C2orf69: variants seen among roughly 807,000 people sequenced by gnomAD.
The protein encoded by C2orf69 is mitochondrial protein C2orf69.
C2orf69 carries 19 observed loss-of-function variants against 29.5 expected under a neutral mutation model. That is an observed-to-expected ratio of 0.65 (90% CI 0.45 to 0.95). C2orf69 has a LOEUF of 0.95. Among genes scored for constraint, C2orf69 ranks in the 40% least tolerant of loss-of-function variants. C2orf69 has a pLI of 0.00. For synonymous variants in C2orf69, 194 were observed against 180.0 expected (o/e 1.08, Z -0.62); for missense variants, 416 against 482.1 (o/e 0.86, Z 1.28).
chr2:199,914,478 C>T (rs2106636344), intron 1 of C2orf69, among the ~76,000 whole-genome samples: 1 of 152,206 alleles, frequency 6.6e-6, no homozygotes, highest in East Asian at 1.9e-4. Context: ...TTTACCTTTT[C>T]AGTGTATCTA....
Position 199,920,541 on chromosome 2 carries a change from CT to C in C2orf69, c.334-4519del, listed in dbSNP as rs199835948. 2.1e-3 allele frequency among the ~76,000 whole-genome samples: 312 copies of C among 152,086 alleles called. 1 individual carries two copies. The highest frequency in any genetic ancestry group is 0.013 in the East Asian group (65 of 5,182). On this transcript the variant is annotated intron_variant, in intron 1 of 1. Transcript: ENST00000319974. ...CTGTAGTTTCCAGGACCTCAGGTTC[CT>C]TAACTATAAAAAGGATTTAGATGAG... is the stretch of plus-strand genomic sequence containing the variant.
intron 1 of C2orf69, among the ~76,000 whole-genome samples, chr2:199,913,193 T>TCTATATAATATATAATATATTATATATA (rs2077275439): frequency 9.8e-6 from 1 of 101,842 alleles, no homozygotes; most frequent in African/African-American, 3.9e-5. Context: ...TTATATATAT[T>TCTATATAATATATAATATATTATATATA]ATATATAATA....
chr2:199,918,171 C>T (rs2077300945), intron 1 of C2orf69, among the ~76,000 whole-genome samples: 1 of 152,164 alleles, frequency 6.6e-6, no homozygotes, highest in Non-Finnish European at 1.5e-5. Flanking sequence ...TTGGTGGGGA[C>T]ACAACCAAAC....
At chr2:199,916,608 GC>G (rs1188238452) in intron 1 of C2orf69, among the ~76,000 whole-genome samples, 1 of 152,234 alleles carries the variant, frequency 6.6e-6, no homozygotes, top group Non-Finnish European at 1.5e-5. Context: ...GGTAAATACA[GC>G]CATTCCAAAT....
In C2orf69 at chr2:199,925,881, T is replaced by G. The variant is rs745903850; in HGVS notation, c.1153T>G (p.Phe385Val). 6.2e-7 allele frequency: 1 copy of G among 1,600,384 alleles called. No individual in the cohort carries two copies. Among genetic ancestry groups the G allele is most frequent in the Non-Finnish European group, 8.6e-7 (1 of 1,169,080 alleles). ...GAATCACTTCAGGGTTCATGAAGTA[T>G]TTTGAGATTACAGGTATATTAATGA... The part of the protein sequence containing the change: ...IENHFRVHEV[F>V] The change falls in exon 2 of 2, where the codon TTT becomes GTT. Residue 385 changes from phenylalanine (F) to valine (V), a missense_variant. By Grantham distance (50) the Phe-to-Val change is conservative. Coordinates refer to ENST00000319974, the MANE Select transcript of C2orf69 (RefSeq NM_153689.6). This position sits in a 1 kb window ranked among gnomAD's most constrained non-coding sequence, Gnocchi z 4.9.
Position 199,911,614 on chromosome 2 carries a change from C to T in C2orf69, c.176C>T (p.Thr59Ile). Residue 59 changes from threonine (T) to isoleucine (I), a missense_variant, in exon 1 of 2, where the codon ACC becomes ATC. Physicochemically the swap from Thr to Ile is moderately conservative, Grantham distance 89 (BLOSUM62 -1). Around this residue, in one of 4 missense-constraint regions of C2orf69, gnomAD observed 175 missense variants for 139.9 expected, o/e 1.25. Coordinates refer to ENST00000319974, the MANE Select transcript of C2orf69 (RefSeq NM_153689.6). ...VRRRQCLQLSTVPGADPQRSN... is the reference protein window; with the variant it reads ...VRRRQCLQLSIVPGADPQRSN... The stretch of plus-strand genomic sequence containing the variant: ...CGCCGTCAGTGCCTGCAGCTTTCCA[C>T]CGTGCCTGGAGCCGATCCGCAGCGC... The T allele has an allele frequency of 1.3e-6, 2 of 1,549,614 alleles. No individual in the cohort carries two copies. The highest frequency in any genetic ancestry group is 1.7e-6 in the Non-Finnish European group (2 of 1,146,592).
intron 1 of C2orf69, among the ~76,000 whole-genome samples, chr2:199,919,723 A>G (rs1359727007): frequency 6.6e-6 from 1 of 152,202 alleles, no homozygotes; most frequent in Admixed American, 6.5e-5. Flanking sequence ...ATGAGGGCAG[A>G]GCCCTTGTGA....
rs566751957 is a variant in C2orf69, at chr2:199,913,550, T to A, written c.333+1779T>A. Among the ~76,000 whole-genome samples, 11 of 127,436 alleles carry A rather than the reference T, an allele frequency of 8.6e-5. No individual in the cohort carries two copies. The East Asian group carries it at 1.0e-3, about 12-fold the overall frequency. The allele number at this position is 127,436 out of a possible 152,430, so 83.6% of individuals were successfully genotyped here. A position where few individuals can be genotyped will look rare whatever the true frequency, so the allele number is the denominator to read the frequency against. ...AATATACTATATAATATATATAAAA[T>A]ATATATATATTTTTATAATATGTAT... On this transcript the variant is annotated intron_variant, in intron 1 of 1. Coordinates refer to ENST00000319974, the MANE Select transcript of C2orf69 (RefSeq NM_153689.6).
At position 199,911,641 on chromosome 2, in the gene C2orf69, G is replaced by T; in HGVS notation, c.203G>T (p.Ser68Ile). The change falls in exon 1 of 2, where the codon AGC becomes ATC. Residue 68 changes from serine (S) to isoleucine (I), a missense_variant. Physicochemically the swap from Ser to Ile is moderately radical, Grantham distance 142 (BLOSUM62 -2). Transcript: ENST00000319974. ...GTGCCTGGAGCCGATCCGCAGCGCAGCAACGAATTGCTCCTGTTGGCGGCG... is the reference window on the plus strand; with the variant it reads ...GTGCCTGGAGCCGATCCGCAGCGCATCAACGAATTGCTCCTGTTGGCGGCG... ...STVPGADPQR[S>I]NELLLLAAAG... The T allele has an allele frequency of 6.5e-7, 1 of 1,549,412 alleles. No homozygotes were observed. The highest frequency in any genetic ancestry group is 8.7e-7 in the Non-Finnish European group (1 of 1,146,598).
chr2:199,923,641 A>T (rs1038787785), intron 1 of C2orf69, among the ~76,000 whole-genome samples: 1 of 152,240 alleles, frequency 6.6e-6, no homozygotes, highest in Non-Finnish European at 1.5e-5. Context: ...AGACTTAGGA[A>T]GGAAAAAAGA....
Position 199,925,359 on chromosome 2 carries a change from A to G in C2orf69, c.631A>G (p.Asn211Asp). The change falls in exon 2 of 2, where the codon AAT (asparagine) becomes GAT (aspartate). Residue 211 changes from asparagine to aspartate, a missense_variant. Transcript: ENST00000319974. The surrounding 1 kb of genome is among the most constrained non-coding windows in gnomAD (Gnocchi z 4.9). ...ATCAAAGAAAAGTTTGAATGTTTGG[A>G]ATAAGGACTCCATAGCATCTAACTG... is the stretch of plus-strand genomic sequence containing the variant. ...SLSKKSLNVW[N>D]KDSIASNCRS... 6.2e-7 allele frequency: 1 copy of G among 1,613,640 alleles called. No individual in the cohort carries two copies. The highest frequency in any genetic ancestry group is 8.5e-7 in the Non-Finnish European group (1 of 1,179,734).
At position 199,928,204 on chromosome 2, in the gene C2orf69, C is replaced by T. The variant is rs1452796215; in HGVS notation, c.*2318C>T. On this transcript the variant is annotated 3_prime_UTR_variant, in exon 2 of 2. Coordinates refer to ENST00000319974, the MANE Select transcript of C2orf69 (RefSeq NM_153689.6). ...TCATGAGTTGAGAAAAGTAGTCCTA[C>T]AAATAATGTGAAAGTTGTTACCACC... is the stretch of plus-strand genomic sequence containing the variant. 1 of 152,522 alleles carries T rather than the reference C, an allele frequency of 6.6e-6. No individual in the cohort carries two copies. The highest frequency in any genetic ancestry group is 1.5e-5 in the Non-Finnish European group (1 of 68,002). 9.4% of individuals were successfully genotyped at this position (152,522 alleles called of 1,614,324 possible).
intron 1 of C2orf69, among the ~76,000 whole-genome samples, chr2:199,921,069 C>A (rs550185627): frequency 4.3e-5 from 5 of 117,420 alleles, no homozygotes; most frequent in Non-Finnish European, 8.2e-5. Flanking sequence ...TGCAGTGGCG[C>A]GGTCTTGGCT....
rs2077335653 is a variant in C2orf69, at chr2:199,926,490, A to AT, written c.*604_*605insT. The AT allele has an allele frequency of 6.6e-6, 1 of 152,482 alleles. No homozygotes were observed. The highest frequency in any genetic ancestry group is 1.5e-5 in the Non-Finnish European group (1 of 68,254). 9.4% of individuals were successfully genotyped at this position (152,482 alleles called of 1,614,324 possible). A position where few individuals can be genotyped will look rare whatever the true frequency, so the allele number is the denominator to read the frequency against. ...CAATAGTGTAAAGGTGGTTTTTAAA[A>AT]ACATAGCCAGGTGTGGTGGCACGTG... On this transcript the variant is annotated 3_prime_UTR_variant, in exon 2 of 2. Coordinates refer to ENST00000319974, the MANE Select transcript of C2orf69 (RefSeq NM_153689.6).
At chr2:199,912,039 A>G (rs1263103469) in intron 1 of C2orf69, among the ~76,000 whole-genome samples, 4 of 152,152 alleles carry the variant, frequency 2.6e-5, no homozygotes, top group African/African-American at 9.7e-5. Context: ...GGTTTCCAAG[A>G]GGCGGAATTT....
At chr2:199,923,081 A>G (rs281760) in intron 1 of C2orf69, among the ~76,000 whole-genome samples, 126,257 of 152,176 alleles carry the variant, frequency 0.83, 52,451 homozygotes, top group South Asian at 0.91. Context: ...TTTTGCAGTT[A>G]CAGTTCCTTC....
intron 1 of C2orf69, among the ~76,000 whole-genome samples, chr2:199,914,702 G>T (rs2077286595): frequency 6.6e-6 from 1 of 151,870 alleles, no homozygotes; most frequent in Non-Finnish European, 1.5e-5. Flanking sequence ...CAGCCTCTCT[G>T]GCTTTCTTGG....
chr2:199,923,116 C>G (rs960963849), intron 1 of C2orf69, among the ~76,000 whole-genome samples: 5 of 152,222 alleles, frequency 3.3e-5, no homozygotes, highest in Admixed American at 3.3e-4. Context: ...ACGTGGTTCA[C>G]TCTCTGAGTT....
rs1223026935 is a variant in C2orf69 at position 199,913,206 on chromosome 2, T to TG, written c.333+1435_333+1436insG. ...AATTATATATATTATATATAATATA[T>TG]AATATATTATATATAATATATATTA... On this transcript the variant is annotated intron_variant, in intron 1 of 1. Coordinates refer to ENST00000319974, the MANE Select transcript of C2orf69 (RefSeq NM_153689.6). Among the ~76,000 whole-genome samples, 5 of 95,704 alleles carry TG rather than the reference T, an allele frequency of 5.2e-5. No homozygotes were observed. The East Asian group carries it at 1.3e-3, about 24-fold the overall frequency. The allele number at this position is 95,704 out of a possible 152,430, so 62.8% of individuals were successfully genotyped here.
Sources: gnomAD v4.1 joint callset for allele counts (sites outside exome capture counted in the v4.1 genomes callset) on GRCh38, gnomAD v4.1.1 for gene constraint, gnomAD v4.1.1 regional missense constraint, Gnocchi (gnomAD v3.1) non-coding constraint, MANE v1.5 for transcripts, NCBI Gene and HGNC (gene_info 2026-07-23, HGNC 2026-07-21) for gene names.